The following TOGARAM1 variants were observed in gnomAD, a reference collection of about 807,000 sequenced individuals.
TOGARAM1 encodes TOG array regulator of axonemal microtubules 1.
A neutral mutation model predicts 166.6 loss-of-function variants in TOGARAM1; 100 were observed. The ratio of observed to expected loss-of-function variants is 0.60; its 90% CI spans 0.51 to 0.71. The LOEUF (loss-of-function observed/expected upper bound fraction) is 0.71, where lower values mean the gene tolerates loss of function less well. TOGARAM1 is among the 30% of genes least tolerant of loss of function. The probability of loss-of-function intolerance (pLI) is 0.00; values close to 1 mark genes in which losing one functional copy is unlikely to be tolerated. For missense variants in TOGARAM1, 2,029 were observed against 2,102.7 expected (o/e 0.96, Z 0.69); for synonymous variants, 758 against 763.8 (o/e 0.99, Z 0.13).
At chr14:44,994,830 A>C (rs1286582071) in intron 1 of TOGARAM1, among the ~76,000 whole-genome samples, 7 of 152,216 alleles carry the variant, frequency 4.6e-5, no homozygotes, top group Non-Finnish European at 8.8e-5. Flanking sequence ...GAGGCATAAT[A>C]GACTTACCTT....
intron 15 of TOGARAM1, 93 bp downstream of exon 15, chr14:45,052,655 A>G: frequency 3.3e-6 from 4 of 1,198,178 alleles, no homozygotes; most frequent in Non-Finnish European, 4.6e-6. Context: ...TTATTTGATT[A>G]TTTCTCTGTT....
At chr14:45,045,006 A>T in intron 13 of TOGARAM1, 136 bp downstream of exon 13, 1 of 551,450 alleles carries the variant, frequency 1.8e-6, no homozygotes, top group East Asian at 3.0e-5. Context: ...TATGAGATAA[A>T]CATTATACTA....
chr14:45,011,618 A>G (rs1302627954), intron 6 of TOGARAM1, among the ~76,000 whole-genome samples: 1 of 151,462 alleles, frequency 6.6e-6, no homozygotes, highest in Non-Finnish European at 1.5e-5. Context: ...CTTGGCCTTG[A>G]TTTGGTTTTA....
intron 1 of TOGARAM1, among the ~76,000 whole-genome samples, chr14:44,969,147 TTTC>T (rs1221855581): frequency 1.4e-5 from 2 of 140,178 alleles, no homozygotes; most frequent in Admixed American, 6.9e-5. Flanking sequence ...CCTTCCTTCC[TTTC>T]TTTCTTTCTT....
intron 14 of TOGARAM1, among the ~76,000 whole-genome samples, chr14:45,051,019 A>G (rs1055889410): frequency 4.6e-5 from 7 of 152,174 alleles, no homozygotes; most frequent in Non-Finnish European, 4.4e-5. Flanking sequence ...GTGTGGTACT[A>G]TTTTGAAGTA....
At chr14:44,993,921 T>C (rs371710027) in intron 1 of TOGARAM1, among the ~76,000 whole-genome samples, 1 of 152,242 alleles carries the variant, frequency 6.6e-6, no homozygotes, top group Non-Finnish European at 1.5e-5. Flanking sequence ...TACTGTAGAA[T>C]TATTTCTGGA....
rs1243578808 is a variant in TOGARAM1 at position 45,073,400 on chromosome 14, C to T, written c.5161C>T (p.Pro1721Ser). 2 of 1,614,050 alleles carry T rather than the reference C, an allele frequency of 1.2e-6. No individual in the cohort carries two copies. The highest frequency in any genetic ancestry group is 1.3e-5 in the African/African-American group (1 of 74,986). Residue 1721 changes from proline to serine, a missense_variant, in exon 20 of 20, where the codon CCT (proline) becomes TCT (serine). This residue lies in a region of TOGARAM1 where 576 missense variants were observed against 670.5 expected (regional missense o/e 0.86). Coordinates refer to ENST00000361462, the MANE Select transcript of TOGARAM1 (RefSeq NM_001308120.2). ...AAATATGACAAATAGTGGCTCTCTG[C>T]CTGGAGCTGGAGGAAATATACGAAC... ...LGNMTNSGSL[P>S]GAGGNIRTAT...
Position 44,963,246 on chromosome 14 carries a change from A to G in TOGARAM1, c.825A>G (p.Thr275=), listed in dbSNP as rs142524617. The change falls in exon 1 of 20, where the codon ACA becomes ACG. Residue 275 remains threonine, a synonymous_variant. Coordinates refer to ENST00000361462, the MANE Select transcript of TOGARAM1 (RefSeq NM_001308120.2). The stretch of plus-strand genomic sequence containing the variant: ...AGGAGACAGAAGAAGAATCTGAGAC[A>G]GCTTTCTCCGCACTTCAACAAATTG... ...GDQETEEESE[T]AFSALQQIGE... is the part of the protein sequence containing the mutation. 3.7e-6 allele frequency: 6 copies of G among 1,614,200 alleles called. No individual in the cohort carries two copies. The highest frequency in any genetic ancestry group is 4.2e-6 in the Non-Finnish European group (5 of 1,180,038).
intron 14 of TOGARAM1, among the ~76,000 whole-genome samples, chr14:45,049,171 C>T (rs369854519): frequency 1.3e-5 from 2 of 151,604 alleles, no homozygotes; most frequent in East Asian, 1.9e-4. Context: ...TTGCATGCAA[C>T]CCTCCTCTGT....
intron 1 of TOGARAM1, among the ~76,000 whole-genome samples, chr14:44,974,294 C>G (rs1886061571): frequency 6.6e-6 from 1 of 151,932 alleles, no homozygotes; most frequent in Non-Finnish European, 1.5e-5. Flanking sequence ...TACTAATGAG[C>G]CCATTAAAGG....
At chr14:45,032,172 AT>A (rs770458134) in intron 10 of TOGARAM1, 50 bp from the exon 11 acceptor site, 4 of 1,536,508 alleles carry the variant, frequency 2.6e-6, no homozygotes, top group Non-Finnish European at 3.5e-6. Flanking sequence ...AAAGATAAAA[AT>A]TTTTTTTAAA....
chr14:45,055,927 T>C (rs1321436781), intron 16 of TOGARAM1, among the ~76,000 whole-genome samples: 1 of 151,326 alleles, frequency 6.6e-6, no homozygotes, highest in East Asian at 1.9e-4. Flanking sequence ...TAAATGATAT[T>C]GGTATTTTGA....
chr14:45,050,334 C>T (rs1882299308), intron 14 of TOGARAM1, among the ~76,000 whole-genome samples: 1 of 152,108 alleles, frequency 6.6e-6, no homozygotes, highest in Admixed American at 6.6e-5. Flanking sequence ...CTCACTGCTA[C>T]CTCCGCCTCC....
At chr14:44,986,096 A>G (rs1286551366) in intron 1 of TOGARAM1, among the ~76,000 whole-genome samples, 4 of 152,212 alleles carry the variant, frequency 2.6e-5, no homozygotes, top group African/African-American at 9.7e-5. Flanking sequence ...TAATGTATAC[A>G]ATCTGTGAAA....
intron 1 of TOGARAM1, among the ~76,000 whole-genome samples, chr14:44,981,924 A>G (rs1351604306): frequency 6.6e-6 from 1 of 151,452 alleles, no homozygotes; most frequent in Non-Finnish European, 1.5e-5. Context: ...GCACACTGCA[A>G]ACTCCACCTC....
chr14:45,013,079 T>C (rs1453414909), intron 7 of TOGARAM1, among the ~76,000 whole-genome samples: 1 of 152,198 alleles, frequency 6.6e-6, no homozygotes, highest in Non-Finnish European at 1.5e-5. Context: ...CTTTGTATCT[T>C]GTACTTTCCC....
chr14:45,041,391 A>G (rs141439261), intron 11 of TOGARAM1, among the ~76,000 whole-genome samples: 2,312 of 152,216 alleles, frequency 0.015, 24 homozygotes, highest in Non-Finnish European at 0.022. Context: ...ACAGAGCAAG[A>G]CTCCCTCTCA....
At chr14:45,042,828 T>C (rs1881794511) in intron 11 of TOGARAM1, among the ~76,000 whole-genome samples, 1 of 152,194 alleles carries the variant, frequency 6.6e-6, no homozygotes, top group African/African-American at 2.4e-5. Flanking sequence ...TGTTGATGGC[T>C]GCTGACTGAT....
intron 6 of TOGARAM1, 190 bp from the exon 7 acceptor site, chr14:45,011,785 A>ATGTGTGTGTGTGTGTGTGTGTGTG: frequency 2.4e-6 from 1 of 414,036 alleles, no homozygotes. Flanking sequence ...CAAAATATAT[A>ATGTGTGTGTGTGTGTGTGTGTGTG]TGTGTGTGTG....
Sources: allele counts gnomAD v4.1 joint callset (sites outside exome capture counted in the v4.1 genomes callset), GRCh38; gene constraint gnomAD v4.1.1; regional missense constraint gnomAD v4.1.1; transcripts MANE v1.5; gene names NCBI Gene and HGNC (gene_info 2026-07-23, HGNC 2026-07-21).